The following DACH2 variants were observed in gnomAD, a reference collection of about 807,000 sequenced individuals.
DACH2 encodes the protein dachshund family transcription factor 2.
In DACH2, 17 loss-of-function variants were observed where a neutral mutation model predicts 35.8. That is an observed-to-expected ratio of 0.48 (90% CI 0.33 to 0.71). DACH2 has a LOEUF of 0.71. Among genes scored for constraint, DACH2 ranks in the 30% least tolerant of loss-of-function variants. DACH2 has a pLI of 0.02. For synonymous variants in DACH2, 195 were observed against 177.3 expected, an observed-to-expected ratio of 1.10 and a Z score of -0.79; for missense variants, 469 against 472.7, an observed-to-expected ratio of 0.99 and a Z score of 0.07.
chrX:86,295,493 A>G (rs1257417994), intron 1 of DACH2, among the ~76,000 whole-genome samples: 1 of 111,551 alleles, frequency 9.0e-6, no homozygotes, highest in Non-Finnish European at 1.9e-5. Context: ...CGGCTTGCTC[A>G]GGAGTTGTGA....
chrX:86,499,300 G>T (rs917739831), intron 2 of DACH2, among the ~76,000 whole-genome samples: 6 of 111,330 alleles, frequency 5.4e-5, no homozygotes, highest in South Asian at 3.8e-4. Flanking sequence ...GACCCCTAAG[G>T]GATGAGAGTT....
intron 2 of DACH2, among the ~76,000 whole-genome samples, chrX:86,435,207 A>G (rs2037048576): frequency 8.9e-6 from 1 of 111,906 alleles, no homozygotes; most frequent in Non-Finnish European, 1.9e-5. Flanking sequence ...CCAAGTGGGT[A>G]AATGAGTTGT....
intron 3 of DACH2, among the ~76,000 whole-genome samples, chrX:86,566,061 G>A (rs1183860488): frequency 8.9e-6 from 1 of 111,877 alleles, no homozygotes; most frequent in Admixed American, 9.6e-5. Flanking sequence ...AATAGCATAT[G>A]TTGTATGTAC....
intron 1 of DACH2, among the ~76,000 whole-genome samples, chrX:86,314,094 C>T (rs1484490618): frequency 1.8e-5 from 2 of 110,126 alleles, no homozygotes; most frequent in Non-Finnish European, 3.8e-5. Flanking sequence ...CTTAATCTCT[C>T]TCCCTCTCCT....
chrX:86,266,817 G>A, intron 1 of DACH2, among the ~76,000 whole-genome samples: 1 of 109,128 alleles, frequency 9.2e-6, no homozygotes, highest in Non-Finnish European at 1.9e-5. Flanking sequence ...CTCCATAGCA[G>A]TGCCATGTAA....
chrX:86,232,881 C>T (rs1007531236), intron 1 of DACH2, among the ~76,000 whole-genome samples: 1 of 111,980 alleles, frequency 8.9e-6, no homozygotes, highest in Non-Finnish European at 1.9e-5. Flanking sequence ...ATCATAAAGA[C>T]ACATGCACAT....
intron 1 of DACH2, among the ~76,000 whole-genome samples, chrX:86,217,494 G>A (rs758161788): frequency 3.6e-5 from 4 of 111,465 alleles, no homozygotes; most frequent in Non-Finnish European, 7.5e-5. Context: ...ACATCTAAAT[G>A]TTTACAATGG....
At chrX:86,743,254 A>G (rs1300289184) in intron 7 of DACH2, among the ~76,000 whole-genome samples, 1 of 111,486 alleles carries the variant, frequency 9.0e-6, no homozygotes, top group Non-Finnish European at 1.9e-5. Flanking sequence ...TGATCTGCTG[A>G]GGTACATGTG....
intron 1 of DACH2, among the ~76,000 whole-genome samples, chrX:86,227,860 T>A (rs1189983273): frequency 1.8e-5 from 2 of 111,826 alleles, no homozygotes; most frequent in Non-Finnish European, 3.8e-5. Flanking sequence ...CCAACTTAAA[T>A]ACATTTAAAA....
chrX:86,173,253 C>A (rs1444039743), intron 1 of DACH2, among the ~76,000 whole-genome samples: 1 of 111,955 alleles, frequency 8.9e-6, no homozygotes, highest in Non-Finnish European at 1.9e-5. Context: ...CAGGCAAAGA[C>A]CTCTTCCGTT....
At chrX:86,634,214 A>C (rs192299516) in intron 3 of DACH2, among the ~76,000 whole-genome samples, 10 of 111,667 alleles carry the variant, frequency 9.0e-5, no homozygotes, top group African/African-American at 3.2e-4. Flanking sequence ...CCCATTATCC[A>C]ATCACCTCCC....
At chrX:86,268,571 C>G (rs2033755396) in intron 1 of DACH2, among the ~76,000 whole-genome samples, 1 of 104,386 alleles carries the variant, frequency 9.6e-6, no homozygotes, top group Non-Finnish European at 2.0e-5. Flanking sequence ...GTCTTGCTCT[C>G]TCACCTAGGC....
At chrX:86,378,996 T>G (rs1009037006) in intron 2 of DACH2, among the ~76,000 whole-genome samples, 1 of 111,358 alleles carries the variant, frequency 9.0e-6, no homozygotes. Context: ...AAATGCAGTA[T>G]GAAACAGATT....
At chrX:86,460,846 A>T (rs766008706) in intron 2 of DACH2, among the ~76,000 whole-genome samples, 2 of 110,659 alleles carry the variant, frequency 1.8e-5, no homozygotes, top group East Asian at 5.7e-4. Context: ...ATGTAAAATT[A>T]AAAAAAAGTG....
chrX:86,763,151 T>G (rs1035220378), intron 7 of DACH2, among the ~76,000 whole-genome samples: 1 of 111,824 alleles, frequency 8.9e-6, no homozygotes, highest in African/African-American at 3.3e-5. Context: ...CCCTAGCATA[T>G]CATACTTTAA....
At chrX:86,561,748 G>T (rs1243300058) in intron 3 of DACH2, among the ~76,000 whole-genome samples, 1 of 49,761 alleles carries the variant, frequency 2.0e-5, no homozygotes, top group Non-Finnish European at 3.6e-5. Context: ...TGGGGACTGT[G>T]GTGGGGTCGG....
Position 86,316,916 on chromosome X carries a change from A to C in DACH2, c.489-59908A>C, listed in dbSNP as rs1354346773. Among the ~76,000 whole-genome samples the C allele has an allele frequency of 4.7e-4, 52 of 110,221 alleles. 3 individuals are homozygous for C. Among genetic ancestry groups the C allele is most frequent in the Non-Finnish European group, 1.9e-5 (1 of 52,812 alleles). On this transcript the variant is annotated intron_variant, in intron 1 of 11. Transcript: ENST00000373125. ...AGGTGGATCGCGAGGTCAGAAGTTC[A>C]ATACCACCCTGGCCAAGATGGTGAA...
chrX:86,208,332 G>A (rs1361284671), intron 1 of DACH2, among the ~76,000 whole-genome samples: 1 of 110,767 alleles, frequency 9.0e-6, no homozygotes, highest in Non-Finnish European at 1.9e-5. Flanking sequence ...AAAATTGGTT[G>A]TGTTAAGAAT....
chrX:86,332,031 T>A (rs1267690068), intron 1 of DACH2, among the ~76,000 whole-genome samples: 1 of 111,877 alleles, frequency 8.9e-6, no homozygotes, highest in Admixed American at 9.5e-5. Flanking sequence ...ACCTGAAAAT[T>A]AAGCTAAGCA....
Sources: gnomAD v4.1 joint callset for allele counts (sites outside exome capture counted in the v4.1 genomes callset) on GRCh38, gnomAD v4.1.1 for gene constraint, MANE v1.5 for transcripts, NCBI Gene and HGNC (gene_info 2026-07-23, HGNC 2026-07-21) for gene names.